DNAH5: variants seen among roughly 807,000 people sequenced by gnomAD.
DNAH5 encodes dynein axonemal heavy chain 5, also known as axonemal beta dynein heavy chain 5.
Under a neutral mutation model 518.2 loss-of-function variants are expected in DNAH5, and 372 were observed. The ratio of observed to expected loss-of-function variants is 0.72; its 90% CI spans 0.66 to 0.78. The LOEUF (loss-of-function observed/expected upper bound fraction) is 0.78, where lower values mean the gene tolerates loss of function less well. Ranked by LOEUF, DNAH5 falls within the 30% of genes least tolerant of loss-of-function variation. DNAH5 has a pLI of 0.00. For synonymous variants in DNAH5, 2,039 were observed against 2,025.9 expected (o/e 1.01, Z -0.17); for missense variants, 5,523 against 5,687.0 (o/e 0.97, Z 0.93).
intron 11 of DNAH5, among the ~76,000 whole-genome samples, chr5:13,911,778 T>G (rs1776027352): frequency 6.6e-6 from 1 of 152,204 alleles, no homozygotes. Context: ...AAAGATTTTT[T>G]CCACTAAAAT....
At chr5:13,870,605 G>A (rs1769943586) in intron 24 of DNAH5, among the ~76,000 whole-genome samples, 162 bp downstream of exon 24, 1 of 152,144 alleles carries the variant, frequency 6.6e-6, no homozygotes, top group Admixed American at 6.6e-5. Flanking sequence ...ACTGGCCCAT[G>A]GAAGGCAATG....
chr5:13,900,780 T>C (rs867321332), intron 14 of DNAH5: 31 of 323,184 alleles, frequency 9.6e-5, no homozygotes, highest in Middle Eastern at 9.7e-4. Flanking sequence ...AGTTTTTACT[T>C]ATCTAGAAAA....
intron 54 of DNAH5, 91 bp downstream of exon 54, chr5:13,777,111 A>T: frequency 7.9e-7 from 1 of 1,272,992 alleles, no homozygotes; most frequent in Non-Finnish European, 1.1e-6. Context: ...AATAGCACTT[A>T]TTCACACCAC....
At chr5:13,934,209 C>G (rs1778699015) in intron 1 of DNAH5, among the ~76,000 whole-genome samples, 1 of 152,216 alleles carries the variant, frequency 6.6e-6, no homozygotes, top group Non-Finnish European at 1.5e-5. Flanking sequence ...ACCTTCTGGT[C>G]AGCGGTACCA....
intron 59 of DNAH5, among the ~76,000 whole-genome samples, chr5:13,763,694 T>C (rs1156452893): frequency 6.6e-6 from 1 of 152,212 alleles, no homozygotes. Context: ...ACATAATGTA[T>C]AGTAGAACAC....
chr5:13,728,938 GC>G (rs1746127582), intron 69 of DNAH5, among the ~76,000 whole-genome samples: 1 of 152,130 alleles, frequency 6.6e-6, no homozygotes, highest in Admixed American at 6.5e-5. Context: ...AAGATAAGAG[GC>G]CAAGTGTTTA....
intron 70 of DNAH5, among the ~76,000 whole-genome samples, chr5:13,723,188 A>T (rs1354666639): frequency 2.0e-5 from 3 of 152,236 alleles, no homozygotes; most frequent in Non-Finnish European, 4.4e-5. Flanking sequence ...TGCATATAAA[A>T]GCCTACATAT....
chr5:13,982,178 T>C (rs904675446), intron 1 of DNAH5, among the ~76,000 whole-genome samples: 7 of 152,294 alleles, frequency 4.6e-5, no homozygotes, highest in African/African-American at 1.7e-4. Flanking sequence ...CTTTCTCTTA[T>C]CGTATGACAA....
intron 1 of DNAH5, 76 bp from the exon 2 acceptor site, chr5:13,931,320 ATTG>A: frequency 2.5e-6 from 4 of 1,594,762 alleles, no homozygotes; most frequent in South Asian, 1.1e-5. Flanking sequence ...ATTTCATACA[ATTG>A]TTGTTTTTTC....
chr5:13,774,101 T>C (rs933277678), intron 55 of DNAH5, among the ~76,000 whole-genome samples: 6 of 152,102 alleles, frequency 3.9e-5, no homozygotes, highest in Admixed American at 1.3e-4. Flanking sequence ...TAAATGCAAC[T>C]GTATTTGTGT....
In DNAH5 at chr5:13,956,611, ACT is replaced by A. The variant is rs2152041567; in HGVS notation, c.13-25369_13-25368del. 1.3e-5 allele frequency among the ~76,000 whole-genome samples: 2 copies of A among 152,260 alleles called. 1 individual carries two copies. The highest frequency in any genetic ancestry group is 4.1e-4 in the South Asian group (2 of 4,826). On this transcript the variant is annotated intron_variant, in intron 1 of 78. Transcript: ENST00000681290. Reference sequence around the variant, plus strand: ...AATCCCAGCCCCTCCTTTGAGTGTCACTCTGCCCATGCGTGCCCCTAGTTAGA... The same window carrying A: ...AATCCCAGCCCCTCCTTTGAGTGTCACTGCCCATGCGTGCCCCTAGTTAGA...
chr5:13,713,318 C>CAT (rs1202730491), intron 75 of DNAH5, among the ~76,000 whole-genome samples: 4 of 143,750 alleles, frequency 2.8e-5, no homozygotes, highest in Admixed American at 7.1e-5. Context: ...TATATACCGA[C>CAT]ATATATATAC....
At chr5:13,745,750 C>T (rs1015351079) in intron 65 of DNAH5, among the ~76,000 whole-genome samples, 18 of 152,084 alleles carry the variant, frequency 1.2e-4, no homozygotes, top group Admixed American at 9.8e-4. Flanking sequence ...TAGATGGTTT[C>T]CAACATCAAC....
At chr5:13,719,823 G>T (rs1037383185) in intron 71 of DNAH5, among the ~76,000 whole-genome samples, 4 of 152,124 alleles carry the variant, frequency 2.6e-5, no homozygotes. Flanking sequence ...GCATGTGGAA[G>T]AACCTTCCCT....
At chr5:13,996,852 A>G (rs182896) in intron 1 of DNAH5, among the ~76,000 whole-genome samples, 110,214 of 152,132 alleles carry the variant, frequency 0.72, 40,274 homozygotes, top group East Asian at 0.96. Context: ...CAATCCCACA[A>G]CTTCACTAGG....
intron 42 of DNAH5, among the ~76,000 whole-genome samples, chr5:13,815,442 T>C (rs186176376): frequency 6.6e-6 from 1 of 152,258 alleles, no homozygotes; most frequent in African/African-American, 2.4e-5. Flanking sequence ...AGTGCCCCTA[T>C]AAAGAGACCT....
At chr5:13,696,260 G>C (rs1741377307) in intron 78 of DNAH5, among the ~76,000 whole-genome samples, 1 of 152,154 alleles carries the variant, frequency 6.6e-6, no homozygotes, top group South Asian at 2.1e-4. Flanking sequence ...AGTTCATTGA[G>C]AATCATCAAT....
At chr5:13,923,831 G>A (rs372422853) in intron 3 of DNAH5, among the ~76,000 whole-genome samples, 4 of 152,218 alleles carry the variant, frequency 2.6e-5, no homozygotes, top group South Asian at 2.1e-4. Flanking sequence ...ATCACCTGAG[G>A]TCAGGAGTTC....
At chr5:13,974,464 G>A (rs570629313) in intron 1 of DNAH5, among the ~76,000 whole-genome samples, 16 of 152,010 alleles carry the variant, frequency 1.1e-4, no homozygotes, top group Non-Finnish European at 1.5e-4. Context: ...TCTATTATTT[G>A]GATTGACAAC....
Sources: allele counts gnomAD v4.1 joint callset (sites outside exome capture counted in the v4.1 genomes callset), GRCh38; gene constraint gnomAD v4.1.1; transcripts MANE v1.5; gene names NCBI Gene and HGNC (gene_info 2026-07-23, HGNC 2026-07-21).